Variants in TRPC1 observed in about 807,000 individuals in gnomAD.
The protein encoded by TRPC1 is transient receptor potential cation channel subfamily C member 1.
In TRPC1, 42 loss-of-function variants were observed where a neutral mutation model predicts 88.2. The ratio of observed to expected loss-of-function variants is 0.48; its 90% CI spans 0.37 to 0.62. The LOEUF is 0.62. Ranked by LOEUF, TRPC1 falls within the 20% of genes least tolerant of loss-of-function variation. The probability of loss-of-function intolerance (pLI) is 0.00; values close to 1 mark genes in which losing one functional copy is unlikely to be tolerated. For synonymous variants in TRPC1, 288 were observed against 331.8 expected (o/e 0.87, Z 1.43); for missense variants, 699 against 957.3 (o/e 0.73, Z 3.56).
intron 4 of TRPC1, among the ~76,000 whole-genome samples, chr3:142,772,060 G>A (rs974614340): frequency 1.3e-5 from 2 of 152,080 alleles, no homozygotes; most frequent in African/African-American, 4.8e-5. Context: ...TCCCTTGTAA[G>A]TGACCTGATA....
At position 142,804,621 on chromosome 3, in the gene TRPC1, C is replaced by T. The variant is rs1420982389; in HGVS notation, c.2145C>T (p.Asn715=). The change falls in exon 12 of 13, where the codon AAC becomes AAT. Residue 715 remains asparagine (N), a synonymous_variant. Coordinates refer to ENST00000476941, the MANE Select transcript of TRPC1 (RefSeq NM_001251845.2). ...CAAAAGGCAAGGTCAAACGGCAAAACAGTTTAAAGGTAAGAAATTAGAAGC... is the reference window on the plus strand; with the variant it reads ...CAAAAGGCAAGGTCAAACGGCAAAATAGTTTAAAGGTAAGAAATTAGAAGC... ...HTSKGKVKRQ[N]SLKEWRNLKQ... 3 of 1,603,132 alleles carry T rather than the reference C, an allele frequency of 1.9e-6. No individual in the cohort carries two copies. In the African/African-American group the frequency reaches 4.0e-5, roughly 22 times the overall value.
chr3:142,789,958 G>C (rs1936246869), intron 7 of TRPC1, among the ~76,000 whole-genome samples: 4 of 152,088 alleles, frequency 2.6e-5, no homozygotes, highest in Admixed American at 2.6e-4. Flanking sequence ...ATTAATAATA[G>C]ACCTAATAAG....
chr3:142,757,590 T>C lies in TRPC1; in HGVS notation c.632+9130T>C, dbSNP rs548564732. ...ACATGTTCTCACTCATAAGTGGGAG[T>C]TGAACAATAAGAACACATGGACACA... is the stretch of plus-strand genomic sequence containing the variant. On this transcript the variant is annotated intron_variant, in intron 4 of 12. Transcript: ENST00000476941. Among the ~76,000 whole-genome samples the C allele has an allele frequency of 4.7e-5, 7 of 150,482 alleles. No individual in the cohort carries two copies. The East Asian group carries it at 9.8e-4, about 21-fold the overall frequency.
chr3:142,794,497 A>G (rs757081657), intron 9 of TRPC1, among the ~76,000 whole-genome samples: 3 of 152,152 alleles, frequency 2.0e-5, no homozygotes, highest in Non-Finnish European at 4.4e-5. Flanking sequence ...AAGAAACTAG[A>G]TATCAGGCAG....
chr3:142,772,206 G>A (rs763385800), intron 4 of TRPC1, among the ~76,000 whole-genome samples: 7 of 152,066 alleles, frequency 4.6e-5, no homozygotes, highest in Non-Finnish European at 1.0e-4. Context: ...TGTTTTTCAA[G>A]AAATTTGGGA....
In TRPC1 at chr3:142,724,778, C is replaced by A. The variant is rs1933598722; in HGVS notation, c.172+47C>A. Reference sequence around the variant, plus strand: ...CCTCTGGACGCCCCTGTCCTCCAGACCTTTAGTCCTCTCCCCCGCCTCAAC... The same window carrying A: ...CCTCTGGACGCCCCTGTCCTCCAGAACTTTAGTCCTCTCCCCCGCCTCAAC... On this transcript the variant is annotated intron_variant, in intron 1 of 12. Transcript: ENST00000476941. This position sits in a 1 kb window ranked among gnomAD's most constrained non-coding sequence, Gnocchi z 5.6. 1.4e-6 allele frequency: 2 copies of A among 1,468,506 alleles called. No homozygotes were observed. Among genetic ancestry groups the A allele is most frequent in the Non-Finnish European group, 1.8e-6 (2 of 1,101,526 alleles). The allele number at this position is 1,468,506 out of a possible 1,614,324, so 91.0% of individuals were successfully genotyped here.
intron 4 of TRPC1, among the ~76,000 whole-genome samples, chr3:142,758,220 C>T (rs1275958870): frequency 6.6e-6 from 1 of 152,080 alleles, no homozygotes. Context: ...TACTGTTCTC[C>T]ATAGTGGCTA....
At chr3:142,763,958 A>AT (rs1935279154) in intron 4 of TRPC1, among the ~76,000 whole-genome samples, 1 of 89,802 alleles carries the variant, frequency 1.1e-5, no homozygotes, top group Non-Finnish European at 2.0e-5. Flanking sequence ...CAAAAAAAAG[A>AT]AATATATATA....
In TRPC1 at chr3:142,792,844, G is replaced by A; in HGVS notation, c.1458G>A (p.Arg486=). The A allele has an allele frequency of 6.3e-7, 1 of 1,588,498 alleles. No homozygotes were observed. Among genetic ancestry groups the A allele is most frequent in the Non-Finnish European group, 8.6e-7 (1 of 1,167,954 alleles). Reference sequence around the variant, plus strand: ...CTTAGTTTCATGATTTTGCTGATCGGAAGGATTGGGATGCATTCCATCCTA... The same window carrying A: ...CTTAGTTTCATGATTTTGCTGATCGAAAGGATTGGGATGCATTCCATCCTA... ...AHNKFHDFAD[R]KDWDAFHPTL... Residue 486 remains arginine, a synonymous_variant, in exon 9 of 13, where the codon CGG becomes CGA. Transcript: ENST00000476941. The surrounding 1 kb of genome is among the most constrained non-coding windows in gnomAD (Gnocchi z 4.0).
chr3:142,781,346 A>G (rs1935952884), intron 6 of TRPC1, among the ~76,000 whole-genome samples: 1 of 152,204 alleles, frequency 6.6e-6, no homozygotes, highest in Non-Finnish European at 1.5e-5. Flanking sequence ...AATAGTTGCT[A>G]CACAGGTAAG....
intron 4 of TRPC1, among the ~76,000 whole-genome samples, chr3:142,758,768 G>A (rs2108068781): frequency 6.6e-6 from 1 of 151,664 alleles, no homozygotes; most frequent in East Asian, 1.9e-4. Context: ...ATGTTGGTGT[G>A]CTGCACCGGT....
chr3:142,792,788 G>T lies in TRPC1; in HGVS notation c.1438-36G>T, dbSNP rs763919887. The T allele has an allele frequency of 6.7e-7, 1 of 1,500,536 alleles. No individual in the cohort carries two copies. Among genetic ancestry groups the T allele is most frequent in the Non-Finnish European group, 8.9e-7 (1 of 1,128,164 alleles). 93.0% of individuals were successfully genotyped at this position (1,500,536 alleles called of 1,614,324 possible). Reference sequence around the variant, plus strand: ...GCTTTTATTTTCCTAAATTGAGAGAGCTTATTTACCTTTGGCTTTTTCTTC... The same window carrying T: ...GCTTTTATTTTCCTAAATTGAGAGATCTTATTTACCTTTGGCTTTTTCTTC... On this transcript the variant is annotated intron_variant, in intron 8 of 12. Coordinates refer to ENST00000476941, the MANE Select transcript of TRPC1 (RefSeq NM_001251845.2). The surrounding 1 kb of genome is among the most constrained non-coding windows in gnomAD (Gnocchi z 4.0).
chr3:142,781,313 ATGT>A (rs1935951857), intron 6 of TRPC1, among the ~76,000 whole-genome samples: 1 of 152,156 alleles, frequency 6.6e-6, no homozygotes, highest in Admixed American at 6.5e-5. Flanking sequence ...TATAACATGG[ATGT>A]TGATTTAATG....
In TRPC1 at chr3:142,806,142, A is replaced by T. The variant is rs1171429409; in HGVS notation, c.2289A>T (p.Glu763Asp). ...TDQATVENLN[E>D]LRQDLSKFRN... Reference sequence around the variant, plus strand: ...AGGCAACTGTGGAAAATCTAAACGAACTGCGCCAAGATCTGTCAAAATTCC... The same window carrying T: ...AGGCAACTGTGGAAAATCTAAACGATCTGCGCCAAGATCTGTCAAAATTCC... Residue 763 changes from glutamate (E) to aspartate (D), a missense_variant, in exon 13 of 13, where the codon GAA becomes GAT. This residue lies in a region of TRPC1 where 105 missense variants were observed against 141.7 expected (regional missense o/e 0.74). Coordinates refer to ENST00000476941, the MANE Select transcript of TRPC1 (RefSeq NM_001251845.2). 1 of 1,613,768 alleles carries T rather than the reference A, an allele frequency of 6.2e-7. No individual in the cohort carries two copies. The highest frequency in any genetic ancestry group is 8.5e-7 in the Non-Finnish European group (1 of 1,179,874).
intron 4 of TRPC1, among the ~76,000 whole-genome samples, chr3:142,749,218 G>A (rs72988618): frequency 0.07 from 10,686 of 152,140 alleles, 1,227 homozygotes; most frequent in African/African-American, 0.24. Flanking sequence ...CATTACTCAC[G>A]TTTGTGGTGA....
chr3:142,762,817 C>T (rs1208777551), intron 4 of TRPC1, among the ~76,000 whole-genome samples: 30 of 152,104 alleles, frequency 2.0e-4, no homozygotes, highest in Admixed American at 1.8e-3. Context: ...TTGCTATAAC[C>T]TTCCCTCTCA....
intron 1 of TRPC1, among the ~76,000 whole-genome samples, chr3:142,729,233 T>C (rs1330873725): frequency 1.3e-5 from 2 of 152,228 alleles, no homozygotes; most frequent in Non-Finnish European, 2.9e-5. Flanking sequence ...ATGATACTGG[T>C]AATTCTTTAT....
At chr3:142,755,124 T>G (rs1229951232) in intron 4 of TRPC1, among the ~76,000 whole-genome samples, 1 of 152,204 alleles carries the variant, frequency 6.6e-6, no homozygotes, top group Non-Finnish European at 1.5e-5. Flanking sequence ...TTACCATTGG[T>G]TAGAAATGTT....
chr3:142,784,766 T>C lies in TRPC1; in HGVS notation c.1023T>C (p.Gly341=), dbSNP rs746269004. The change falls in exon 7 of 13, where the codon GGT becomes GGC. Residue 341 remains glycine (G), a synonymous_variant. Transcript: ENST00000476941. ...CTGTTTGGTTTGGACAGATGTCGGG[T>C]TACCGACGCAAGCCCACCTGTAAGA... ...LNTVWFGQMS[G]YRRKPTCKKI... The C allele has an allele frequency of 6.8e-6, 11 of 1,614,048 alleles. No individual in the cohort carries two copies. The highest frequency in any genetic ancestry group is 7.6e-6 in the Non-Finnish European group (9 of 1,180,008).
Sources: gnomAD v4.1 joint callset for allele counts (sites outside exome capture counted in the v4.1 genomes callset) on GRCh38, gnomAD v4.1.1 for gene constraint, gnomAD v4.1.1 regional missense constraint, Gnocchi (gnomAD v3.1) non-coding constraint, MANE v1.5 for transcripts, NCBI Gene and HGNC (gene_info 2026-07-23, HGNC 2026-07-21) for gene names.